Variants in AKAP6 observed in about 807,000 individuals in gnomAD.
AKAP6 encodes the protein A-kinase anchor protein 6.
AKAP6 carries 58 observed loss-of-function variants against 188.5 expected under a neutral mutation model. That is an observed-to-expected ratio of 0.31 (90% CI 0.25 to 0.38). The LOEUF (loss-of-function observed/expected upper bound fraction) is 0.38. Ranked by LOEUF, AKAP6 falls within the 10% of genes least tolerant of loss-of-function variation. The pLI, the probability that AKAP6 is intolerant of heterozygous loss-of-function variation, is 1.00. For missense variants in AKAP6, 2,710 were observed against 2,740.0 expected (o/e 0.99, Z 0.24); for synonymous variants, 989 against 998.6 (o/e 0.99, Z 0.18).
intron 7 of AKAP6, among the ~76,000 whole-genome samples, chr14:32,659,574 T>A (rs1044612206): frequency 2.0e-5 from 3 of 152,114 alleles, no homozygotes; most frequent in African/African-American, 4.8e-5. Flanking sequence ...TTGTAATTAG[T>A]ATGGATATCA....
At chr14:32,778,292 AT>A (rs967435929) in intron 12 of AKAP6, among the ~76,000 whole-genome samples, 9 of 152,098 alleles carry the variant, frequency 5.9e-5, no homozygotes, top group African/African-American at 9.6e-5. Flanking sequence ...TTACTATGAA[AT>A]TTTTTTTGTA....
chr14:32,745,985 C>T (rs189908230), intron 11 of AKAP6, among the ~76,000 whole-genome samples: 76 of 152,228 alleles, frequency 5.0e-4, no homozygotes, highest in Middle Eastern at 3.4e-3. Flanking sequence ...AGACTACCAC[C>T]GATGTTCCCT....
chr14:32,465,969 T>C (rs1381313170), intron 2 of AKAP6, among the ~76,000 whole-genome samples: 3 of 152,084 alleles, frequency 2.0e-5, no homozygotes, highest in Non-Finnish European at 2.9e-5. Context: ...AACAAACATA[T>C]GAAAAAAGCT....
chr14:32,411,089 A>C (rs1889469795), intron 1 of AKAP6, among the ~76,000 whole-genome samples: 1 of 152,152 alleles, frequency 6.6e-6, no homozygotes, highest in Non-Finnish European at 1.5e-5. Flanking sequence ...TCCTTATAGG[A>C]CATTTGGCAA....
intron 12 of AKAP6, among the ~76,000 whole-genome samples, chr14:32,814,327 T>C (rs1011136040): frequency 6.6e-6 from 1 of 152,198 alleles, no homozygotes; most frequent in African/African-American, 2.4e-5. Context: ...TTCACCATGT[T>C]GTGCAACCAC....
chr14:32,799,660 G>A (rs2033878025), intron 12 of AKAP6, among the ~76,000 whole-genome samples: 1 of 151,890 alleles, frequency 6.6e-6, no homozygotes, highest in South Asian at 2.1e-4. Flanking sequence ...ATTTCATTAT[G>A]GTCGGAGAGC....
intron 1 of AKAP6, among the ~76,000 whole-genome samples, chr14:32,361,487 T>C (rs1887663230): frequency 1.3e-5 from 2 of 152,136 alleles, no homozygotes; most frequent in South Asian, 4.1e-4. Context: ...TTGGTAGCTG[T>C]TACAAAGCAC....
chr14:32,505,422 CAA>C (rs551314224), intron 2 of AKAP6, among the ~76,000 whole-genome samples: 4 of 150,378 alleles, frequency 2.7e-5, no homozygotes, highest in Non-Finnish European at 5.9e-5. Context: ...AAGAGGATGA[CAA>C]AAAAAACTTG....
At chr14:32,355,075 A>T (rs924957540) in intron 1 of AKAP6, among the ~76,000 whole-genome samples, 1 of 152,074 alleles carries the variant, frequency 6.6e-6, no homozygotes, top group Admixed American at 6.5e-5. Context: ...CTTTCTATGG[A>T]CTAATTCTTT....
chr14:32,582,501 T>C (rs923465927), intron 5 of AKAP6, among the ~76,000 whole-genome samples: 31 of 152,214 alleles, frequency 2.0e-4, no homozygotes, highest in Non-Finnish European at 2.9e-5. Context: ...AGGAGTATGT[T>C]TGTGGCGTTC....
At chr14:32,581,649 C>G (rs1250864189) in intron 5 of AKAP6, among the ~76,000 whole-genome samples, 2 of 152,216 alleles carry the variant, frequency 1.3e-5, no homozygotes, top group South Asian at 2.1e-4. Context: ...GTAGGTCACT[C>G]AGGACTTGCT....
intron 1 of AKAP6, chr14:32,376,153 A>C (rs1263197271): frequency 6.6e-6 from 1 of 152,234 alleles, no homozygotes; most frequent in Non-Finnish European, 1.5e-5. Flanking sequence ...GGGAAGTCCT[A>C]CAGTAAAGAA....
At chr14:32,483,216 A>G (rs1290401375) in intron 2 of AKAP6, among the ~76,000 whole-genome samples, 1 of 152,094 alleles carries the variant, frequency 6.6e-6, no homozygotes, top group Non-Finnish European at 1.5e-5. Flanking sequence ...GAGGTTGAAA[A>G]TATTTTCATA....
intron 5 of AKAP6, among the ~76,000 whole-genome samples, chr14:32,579,354 A>G (rs1283348461): frequency 2.0e-5 from 3 of 152,194 alleles, no homozygotes; most frequent in Non-Finnish European, 1.5e-5. Flanking sequence ...ACATTTTCTT[A>G]GATGAGTTTT....
At chr14:32,498,758 A>T (rs10129929) in intron 2 of AKAP6, among the ~76,000 whole-genome samples, 95,730 of 151,762 alleles carry the variant, frequency 0.63, 31,122 homozygotes, top group East Asian at 0.91. Context: ...CAGAGGGGTA[A>T]GTGGGCGGGA....
chr14:32,433,523 C>G lies in AKAP6; in HGVS notation c.30C>G (p.Pro10=), dbSNP rs555745595. 6 of 1,614,106 alleles carry G rather than the reference C, an allele frequency of 3.7e-6. No individual in the cohort carries two copies. The highest frequency in any genetic ancestry group is 4.5e-5 in the East Asian group (2 of 44,880). Residue 10 remains proline (P), a synonymous_variant, in exon 2 of 14, where the codon CCC becomes CCG. Transcript: ENST00000280979. MLTMSVTLS[P]LRSQDLDPMA... is the part of the protein sequence containing the mutation. ...TAACCATGAGCGTGACACTTTCCCC[C>G]CTGAGGTCACAGGACCTGGATCCCA...
chr14:32,441,517 G>A (rs2138737327), intron 2 of AKAP6, among the ~76,000 whole-genome samples: 1 of 152,184 alleles, frequency 6.6e-6, no homozygotes, highest in South Asian at 2.1e-4. Context: ...ATCCTTTTTT[G>A]ATTGTTGAAT....
At chr14:32,393,139 A>T (rs540092454) in intron 1 of AKAP6, among the ~76,000 whole-genome samples, 1 of 152,278 alleles carries the variant, frequency 6.6e-6, no homozygotes, top group Non-Finnish European at 1.5e-5. Context: ...AAATACAGTA[A>T]CTTTATGTTG....
intron 1 of AKAP6, among the ~76,000 whole-genome samples, chr14:32,350,656 TAAC>T (rs1274324845): frequency 2.0e-5 from 3 of 152,186 alleles, no homozygotes; most frequent in Non-Finnish European, 4.4e-5. Flanking sequence ...CATGAGATGT[TAAC>T]AATGGAGGAA....
Sources: allele counts gnomAD v4.1 joint callset (sites outside exome capture counted in the v4.1 genomes callset), GRCh38; gene constraint gnomAD v4.1.1; transcripts MANE v1.5; gene names NCBI Gene and HGNC (gene_info 2026-07-23, HGNC 2026-07-21).